TNIK: variants seen among roughly 807,000 people sequenced by gnomAD.
TNIK encodes the protein TRAF2 and NCK-interacting protein kinase.
Under a neutral mutation model 191.3 loss-of-function variants are expected in TNIK, and 49 were observed. The ratio of observed to expected loss-of-function variants is 0.26; its 90% CI spans 0.20 to 0.32. The LOEUF (loss-of-function observed/expected upper bound fraction) is 0.32, where lower values mean the gene tolerates loss of function less well. TNIK is among the 10% of genes least tolerant of loss of function. TNIK has a pLI of 1.00. For missense variants in TNIK, 1,155 were observed against 1,702.3 expected, an observed-to-expected ratio of 0.68 and a Z score of 5.66; for synonymous variants, 594 against 600.9, an observed-to-expected ratio of 0.99 and a Z score of 0.17.
rs1254158186 is a variant in TNIK at position 171,362,897 on chromosome 3, T to C, written c.123+6723A>G. On this transcript the variant is annotated intron_variant, in intron 2 of 32. Transcript: ENST00000436636. ...CAGATACAGTGGAAATGCCAAAGCC[T>C]CTAAGCTTTTTCCAAACCCACATCT... 5.3e-5 allele frequency among the ~76,000 whole-genome samples: 8 copies of C among 152,268 alleles called. No individual in the cohort carries two copies. In the East Asian group the frequency reaches 1.4e-3, roughly 26 times the overall value.
Position 171,431,883 on chromosome 3 carries a change from A to G in TNIK, c.57+28124T>C, listed in dbSNP as rs566114203. On this transcript the variant is annotated intron_variant, in intron 1 of 32. Transcript: ENST00000436636. ...CTGCCTTTTGGCAAATCCCAAGACTAGTTAATTACCTCTTTTTGAGAATGC... is the reference window on the plus strand; with the variant it reads ...CTGCCTTTTGGCAAATCCCAAGACTGGTTAATTACCTCTTTTTGAGAATGC... Among the ~76,000 whole-genome samples the G allele has an allele frequency of 3.0e-4, 45 of 152,366 alleles. No individual in the cohort carries two copies. In the South Asian group the frequency reaches 9.3e-3, roughly 32 times the overall value.
rs1050837978 is a variant in TNIK, at chr3:171,460,270, G to C, written c.-207C>G. The C allele has an allele frequency of 9.4e-6, 6 of 637,844 alleles. No homozygotes were observed. Among genetic ancestry groups the C allele is most frequent in the Non-Finnish European group, 1.6e-5 (6 of 369,256 alleles). The allele number at this position is 637,844 out of a possible 1,614,324, so 39.5% of individuals were successfully genotyped here. On this transcript the variant is annotated 5_prime_UTR_variant, in exon 1 of 33. Transcript: ENST00000436636. The surrounding 1 kb of genome is among the most constrained non-coding windows in gnomAD (Gnocchi z 6.8). ...CCGGGTCCGGGAGCCCAGCCTGCGC[G>C]GATCTCCAAGCCCCGAGCAGCGGTG...
chr3:171,275,466 T>C (rs889054894), intron 2 of TNIK, among the ~76,000 whole-genome samples: 2 of 151,976 alleles, frequency 1.3e-5, no homozygotes, highest in Non-Finnish European at 2.9e-5. Context: ...AAGAAGAGAA[T>C]GCTATGAAAA....
chr3:171,132,137 T>C (rs1033282502), intron 15 of TNIK, among the ~76,000 whole-genome samples: 5 of 152,154 alleles, frequency 3.3e-5, no homozygotes, highest in Admixed American at 3.3e-4. Context: ...GGAGCACCAA[T>C]TAGAAAGTGT....
rs570101538 is a variant in TNIK, at chr3:171,453,892, AGG to A, written c.57+6113_57+6114del. 8.4e-4 allele frequency among the ~76,000 whole-genome samples: 128 copies of A among 152,344 alleles called. 1 individual carries two copies. The highest frequency in any genetic ancestry group is 3.0e-3 in the African/African-American group (125 of 41,576). ...AGTGGATAGAATCATGTTTCTCTAA[AGG>A]GAAATAAGCTTCCAACCAGACTGGA... On this transcript the variant is annotated intron_variant, in intron 1 of 32. Transcript: ENST00000436636.
At chr3:171,185,655 T>C (rs774690981) in intron 7 of TNIK, among the ~76,000 whole-genome samples, 7 of 152,152 alleles carry the variant, frequency 4.6e-5, no homozygotes, top group Non-Finnish European at 8.8e-5. Flanking sequence ...CTGTGCCCAG[T>C]AGATATCACA....
At chr3:171,205,106 C>T (rs768437473) in intron 4 of TNIK, among the ~76,000 whole-genome samples, 2 of 152,174 alleles carry the variant, frequency 1.3e-5, no homozygotes, top group Non-Finnish European at 2.9e-5. Flanking sequence ...ACAGAGAATG[C>T]CCCAAATTTA....
intron 1 of TNIK, among the ~76,000 whole-genome samples, chr3:171,429,962 G>T (rs1725158700): frequency 6.6e-6 from 1 of 152,086 alleles, no homozygotes; most frequent in Non-Finnish European, 1.5e-5. Context: ...AGCAGCAGCA[G>T]CATCATTTTG....
chr3:171,100,763 G>GGCTAC (rs1723401913), intron 22 of TNIK, among the ~76,000 whole-genome samples: 2 of 91,698 alleles, frequency 2.2e-5, no homozygotes, highest in Non-Finnish European at 2.4e-5. Flanking sequence ...AAAAAAAAAA[G>GGCTAC]AAAAAGGCTA....
At chr3:171,252,285 C>T (rs1746332441) in intron 2 of TNIK, among the ~76,000 whole-genome samples, 1 of 152,054 alleles carries the variant, frequency 6.6e-6, no homozygotes, top group South Asian at 2.1e-4. Flanking sequence ...GACTTTTAAG[C>T]CTCAAAACTT....
rs1306420653 is a variant in TNIK at position 171,254,306 on chromosome 3, A to G, written c.124-26085T>C. 2.0e-5 allele frequency among the ~76,000 whole-genome samples: 3 copies of G among 152,304 alleles called. 1 individual carries two copies. Among genetic ancestry groups the G allele is most frequent in the African/African-American group, 7.2e-5 (3 of 41,558 alleles). Reference sequence around the variant, plus strand: ...CCATTCTCCAAATTCTTCGGACCCCAAAGACCACACCACACTCTTCCTCTA... The same window carrying G: ...CCATTCTCCAAATTCTTCGGACCCCGAAGACCACACCACACTCTTCCTCTA... On this transcript the variant is annotated intron_variant, in intron 2 of 32. Transcript: ENST00000436636.
At chr3:171,115,903 G>A (rs904018474) in intron 18 of TNIK, among the ~76,000 whole-genome samples, 1 of 152,174 alleles carries the variant, frequency 6.6e-6, no homozygotes, top group African/African-American at 2.4e-5. Flanking sequence ...GCTGGGATGA[G>A]CCTACATCCT....
intron 15 of TNIK, among the ~76,000 whole-genome samples, chr3:171,136,379 G>A (rs917014354): frequency 1.3e-5 from 2 of 152,100 alleles, no homozygotes; most frequent in African/African-American, 4.8e-5. Flanking sequence ...GACAACTCGG[G>A]GCTTGTCACT....
chr3:171,264,069 C>CAT (rs1187246616), intron 2 of TNIK, among the ~76,000 whole-genome samples: 49 of 49,206 alleles, frequency 1.0e-3, no homozygotes, highest in South Asian at 4.9e-3. Context: ...TATATACATA[C>CAT]ACACACACAC....
chr3:171,108,162 G>C lies in TNIK; in HGVS notation c.2285C>G (p.Ala762Gly). ...AGGTGATCCTTCTGACTTACTGTTG[G>C]CTAGAGGAAAAAAACAGAGGACCAA... ...AGSSERTRVR[A>G]NSKSEGSPVL... Residue 762 changes from alanine to glycine, a missense_variant and splice_region_variant, in exon 20 of 33, where the codon GCC becomes GGC. Physicochemically the swap from Ala to Gly is moderately conservative, Grantham distance 60 (BLOSUM62 0). This residue lies in a region of TNIK where 735 missense variants were observed against 848.0 expected (regional missense o/e 0.87). Transcript: ENST00000436636. 13 of 1,538,268 alleles carry C rather than the reference G, an allele frequency of 8.5e-6. No individual in the cohort carries two copies. The highest frequency in any genetic ancestry group is 1.0e-5 in the Non-Finnish European group (12 of 1,144,354).
chr3:171,229,927 A>G (rs1417556341), intron 2 of TNIK, among the ~76,000 whole-genome samples: 2 of 152,178 alleles, frequency 1.3e-5, no homozygotes, highest in Non-Finnish European at 2.9e-5. Flanking sequence ...CCAGAATCCC[A>G]GAGGCCCAGT....
intron 2 of TNIK, among the ~76,000 whole-genome samples, chr3:171,352,110 G>A (rs1244118054): frequency 6.6e-6 from 1 of 152,198 alleles, no homozygotes; most frequent in Non-Finnish European, 1.5e-5. Context: ...CAATCTCCCA[G>A]GAGGTGCTGA....
intron 2 of TNIK, among the ~76,000 whole-genome samples, chr3:171,353,689 CATCTT>C (rs1462505651): frequency 6.6e-6 from 1 of 152,174 alleles, no homozygotes; most frequent in Non-Finnish European, 1.5e-5. Flanking sequence ...GTTCTGAACT[CATCTT>C]AACCTCTGAG....
intron 18 of TNIK, among the ~76,000 whole-genome samples, chr3:171,120,926 G>A (rs932553232): frequency 2.0e-5 from 3 of 152,184 alleles, no homozygotes; most frequent in African/African-American, 7.2e-5. Context: ...CCTGCGCCCT[G>A]GAGTCAGGCG....
Sources: allele counts gnomAD v4.1 joint callset (sites outside exome capture counted in the v4.1 genomes callset), GRCh38; gene constraint gnomAD v4.1.1; regional missense constraint gnomAD v4.1.1; non-coding constraint Gnocchi (gnomAD v3.1); transcripts MANE v1.5; gene names NCBI Gene and HGNC (gene_info 2026-07-23, HGNC 2026-07-21).